FBXL20: variants seen among roughly 807,000 people sequenced by gnomAD.
The protein encoded by FBXL20 is F-box/LRR-repeat protein 20.
Under a neutral mutation model 64.0 loss-of-function variants are expected in FBXL20, and 11 were observed. The observed-to-expected ratio is 0.17, with a 90% CI of 0.11 to 0.28. The LOEUF (loss-of-function observed/expected upper bound fraction) is 0.28, where lower values mean the gene tolerates loss of function less well. Ranked by LOEUF, FBXL20 falls within the 10% of genes least tolerant of loss-of-function variation. The pLI is 1.00. For missense variants in FBXL20, 303 were observed against 526.2 expected, an observed-to-expected ratio of 0.58 and a Z score of 4.15; for synonymous variants, 184 against 189.0, an observed-to-expected ratio of 0.97 and a Z score of 0.22.
chr17:39,332,349 G>C (rs2047469309), intron 2 of FBXL20, among the ~76,000 whole-genome samples: 1 of 152,104 alleles, frequency 6.6e-6, no homozygotes, highest in Non-Finnish European at 1.5e-5. Flanking sequence ...ATTTTGGAAG[G>C]GTTCCTACCA....
intron 2 of FBXL20, among the ~76,000 whole-genome samples, chr17:39,303,853 CTTTTTAAT>C (rs1724882804): frequency 6.6e-6 from 1 of 151,970 alleles, no homozygotes; most frequent in Non-Finnish European, 1.5e-5. Flanking sequence ...TACCTGGCTA[CTTTTTAAT>C]TTTTTGTAGA....
chr17:39,299,035 T>C lies in FBXL20; in HGVS notation c.284A>G (p.Lys95Arg). The change falls in exon 5 of 15, where the codon AAG (lysine) becomes AGG (arginine). Residue 95 changes from lysine (K) to arginine (R), a missense_variant. Physicochemically the swap from Lys to Arg is conservative, Grantham distance 26. Around this residue, in one of 3 missense-constraint regions of FBXL20, gnomAD observed 246 missense variants for 422.6 expected, o/e 0.58. Transcript: ENST00000264658. ...ISKRCGGFLR[K>R]LSLRGCLGVG... is the part of the protein sequence containing the mutation. ...TCCAAGACATCCACGAAGACTTAAC[T>C]TTCGTAAAAAGCCCCCACATCGTTT... 1 of 1,613,952 alleles carries C rather than the reference T, an allele frequency of 6.2e-7. No homozygotes were observed. The highest frequency in any genetic ancestry group is 1.1e-5 in the South Asian group (1 of 91,036).
chr17:39,337,551 C>T (rs1448566414), intron 2 of FBXL20, among the ~76,000 whole-genome samples: 4 of 150,666 alleles, frequency 2.7e-5, no homozygotes, highest in Non-Finnish European at 5.9e-5. Context: ...AGCGCCTCTG[C>T]CCCGCCGCCC....
intron 1 of FBXL20, among the ~76,000 whole-genome samples, chr17:39,389,229 T>C (rs2048112937): frequency 1.3e-5 from 2 of 152,102 alleles, no homozygotes; most frequent in South Asian, 2.1e-4. Flanking sequence ...GCAGTTACTA[T>C]TCATGATAAT....
chr17:39,394,104 C>G (rs1451356725), intron 1 of FBXL20, among the ~76,000 whole-genome samples: 2 of 152,074 alleles, frequency 1.3e-5, no homozygotes, highest in African/African-American at 2.4e-5. Flanking sequence ...TCTGGAAGAT[C>G]AAGTAGGAAA....
intron 8 of FBXL20, among the ~76,000 whole-genome samples, chr17:39,281,829 T>C (rs1231063273): frequency 6.6e-6 from 1 of 152,172 alleles, no homozygotes; most frequent in Admixed American, 6.6e-5. Flanking sequence ...CTTATAAAGT[T>C]TTTTATAAAC....
At chr17:39,276,510 A>C (rs1284432505) in intron 9 of FBXL20, among the ~76,000 whole-genome samples, 1 of 151,928 alleles carries the variant, frequency 6.6e-6, no homozygotes, top group East Asian at 2.0e-4. Flanking sequence ...CTCTACTAAA[A>C]ATACAAAAAT....
chr17:39,320,186 C>T (rs976590530), intron 2 of FBXL20, among the ~76,000 whole-genome samples: 11 of 152,146 alleles, frequency 7.2e-5, no homozygotes, highest in African/African-American at 2.4e-4. Context: ...ATACTGTCTG[C>T]CTCTTGAAGA....
chr17:39,375,459 G>A (rs1172748601), intron 1 of FBXL20, among the ~76,000 whole-genome samples: 1 of 152,084 alleles, frequency 6.6e-6, no homozygotes, highest in South Asian at 2.1e-4. Context: ...GAAGATACAA[G>A]TTCTATTGTT....
At position 39,260,470 on chromosome 17, in the gene FBXL20, A is replaced by G. The variant is rs1567853306; in HGVS notation, c.*990T>C. 1.3e-5 allele frequency: 2 copies of G among 152,266 alleles called. No individual in the cohort carries two copies. Among genetic ancestry groups the G allele is most frequent in the Non-Finnish European group, 2.9e-5 (2 of 68,042 alleles). 9.4% of individuals were successfully genotyped at this position (152,266 alleles called of 1,614,324 possible). A position where few individuals can be genotyped will look rare whatever the true frequency, so the allele number is the denominator to read the frequency against. On this transcript the variant is annotated 3_prime_UTR_variant, in exon 15 of 15. Transcript: ENST00000264658. The stretch of plus-strand genomic sequence containing the variant: ...GAATTATCACATATCAGAAGATAAA[A>G]TAGAAACCAAAAGGTAGCATCTGTT...
rs918166984 is a variant in FBXL20 at position 39,253,514 on chromosome 17, T to C, written c.*7946A>G. On this transcript the variant is annotated 3_prime_UTR_variant, in exon 15 of 15. Transcript: ENST00000264658. ...CTTTGGAGTGGGTAGTCACAGATAC[T>C]CAGGGCTCCAAGAGCCACACCATGG... The C allele has an allele frequency of 2.0e-5, 3 of 152,312 alleles. No individual in the cohort carries two copies. Among genetic ancestry groups the C allele is most frequent in the Admixed American group, 6.5e-5 (1 of 15,280 alleles). The allele number at this position is 152,312 out of a possible 1,614,324, so 9.4% of individuals were successfully genotyped here. A position where few individuals can be genotyped will look rare whatever the true frequency, so the allele number is the denominator to read the frequency against.
chr17:39,353,867 G>A (rs1419523221), intron 1 of FBXL20, among the ~76,000 whole-genome samples: 1 of 151,886 alleles, frequency 6.6e-6, no homozygotes, highest in Admixed American at 6.6e-5. Flanking sequence ...GTCATGATCC[G>A]CCCGCCTTGG....
At chr17:39,332,026 G>A (rs1203799053) in intron 2 of FBXL20, among the ~76,000 whole-genome samples, 6 of 152,124 alleles carry the variant, frequency 3.9e-5, no homozygotes, top group Admixed American at 1.3e-4. Context: ...ACTATGTGCC[G>A]AGCATTGTGT....
intron 1 of FBXL20, among the ~76,000 whole-genome samples, chr17:39,393,150 G>A (rs2048150752): frequency 6.6e-6 from 1 of 151,932 alleles, no homozygotes; most frequent in South Asian, 2.1e-4. Flanking sequence ...TTAGCCAGGT[G>A]TGGTGGCGGG....
intron 1 of FBXL20, among the ~76,000 whole-genome samples, chr17:39,400,048 G>A (rs1336911225): frequency 6.6e-6 from 1 of 152,000 alleles, no homozygotes; most frequent in African/African-American, 2.4e-5. Flanking sequence ...ACTTTATTGG[G>A]GCTCTGTACA....
chr17:39,309,564 G>A (rs1233734115), intron 2 of FBXL20, among the ~76,000 whole-genome samples: 1 of 151,926 alleles, frequency 6.6e-6, no homozygotes, highest in African/African-American at 2.4e-5. Context: ...GGAGTGCAAT[G>A]GTGCGAGACA....
At chr17:39,397,989 C>T (rs1006747173) in intron 1 of FBXL20, among the ~76,000 whole-genome samples, 13 of 132,232 alleles carry the variant, frequency 9.8e-5, no homozygotes, top group South Asian at 4.9e-4. Context: ...GGTAACTAGC[C>T]GGGTGCGGTG....
rs753917086 is a variant in FBXL20 at position 39,290,388 on chromosome 17, A to T, written c.399-4815T>A. ...CCTTTTATAATCCTTCCTCTATTGC[A>T]TTAGGCACAACATCCAGTACATGTT... On this transcript the variant is annotated intron_variant, in intron 6 of 14. Transcript: ENST00000264658. Among the ~76,000 whole-genome samples, 44 of 152,096 alleles carry T rather than the reference A, an allele frequency of 2.9e-4. 1 individual carries two copies. Among genetic ancestry groups the T allele is most frequent in the Admixed American group, 1.6e-3 (25 of 15,240 alleles).
At chr17:39,311,977 T>G (rs1042890689) in intron 2 of FBXL20, among the ~76,000 whole-genome samples, 1 of 152,094 alleles carries the variant, frequency 6.6e-6, no homozygotes, top group Non-Finnish European at 1.5e-5. Context: ...ATCTCAACAA[T>G]CCTAATTCTG....
Sources: gnomAD v4.1 joint callset for allele counts (sites outside exome capture counted in the v4.1 genomes callset) on GRCh38, gnomAD v4.1.1 for gene constraint, gnomAD v4.1.1 regional missense constraint, MANE v1.5 for transcripts, NCBI Gene and HGNC (gene_info 2026-07-23, HGNC 2026-07-21) for gene names.